The following ATP6V1H variants were observed in gnomAD, a reference collection of about 807,000 sequenced individuals.
ATP6V1H encodes the protein ATPase H+ transporting V1 subunit H, also known as V-type proton ATPase subunit H.
In ATP6V1H, 39 loss-of-function variants were observed where a neutral mutation model predicts 71.7. That is an observed-to-expected ratio of 0.54 (90% CI 0.42 to 0.71). ATP6V1H has a LOEUF of 0.71. Among genes scored for constraint, ATP6V1H ranks in the 30% least tolerant of loss-of-function variants. The pLI is 0.00. For missense variants in ATP6V1H, 509 were observed against 594.9 expected, an observed-to-expected ratio of 0.86 and a Z score of 1.50; for synonymous variants, 192 against 199.3, an observed-to-expected ratio of 0.96 and a Z score of 0.31.
chr8:53,817,626 T>A (rs1413029577), intron 4 of ATP6V1H, 96 bp from the exon 5 acceptor site: 2 of 745,448 alleles, frequency 2.7e-6, no homozygotes, highest in African/African-American at 3.5e-5. Flanking sequence ...TCAGTCTGTG[T>A]TCTTTTTTCA....
intron 7 of ATP6V1H, among the ~76,000 whole-genome samples, chr8:53,806,274 T>C (rs1019327874): frequency 2.6e-5 from 4 of 152,016 alleles, no homozygotes; most frequent in Non-Finnish European, 4.4e-5. Flanking sequence ...AAAACTGTCA[T>C]GACACTGAAA....
chr8:53,790,555 T>C (rs1809534855), intron 9 of ATP6V1H, among the ~76,000 whole-genome samples: 2 of 152,204 alleles, frequency 1.3e-5, no homozygotes. Context: ...AGAGATGATA[T>C]TACTCTCACA....
At chr8:53,763,127 T>C (rs572013157) in intron 11 of ATP6V1H, among the ~76,000 whole-genome samples, 2 of 152,294 alleles carry the variant, frequency 1.3e-5, no homozygotes, top group Admixed American at 6.5e-5. Context: ...TAGTTAAGTT[T>C]TGGGGAAGCT....
At position 53,715,983 on chromosome 8, in the gene ATP6V1H, G is replaced by T; in HGVS notation, c.1433C>A (p.Thr478Asn). Residue 478 changes from threonine to asparagine, a missense_variant, in exon 14 of 14, where the codon ACC becomes AAC. Physicochemically the swap from Thr to Asn is moderately conservative, Grantham distance 65 (BLOSUM62 0). Around this residue, in one of 2 missense-constraint regions of ATP6V1H, gnomAD observed 212 missense variants for 291.6 expected, o/e 0.73. Coordinates refer to ENST00000359530, the MANE Select transcript of ATP6V1H (RefSeq NM_015941.4). ...GCAGGCTTAGCTTCGGGCGGCAGCG[G>T]TCTGGGGCTGCTCGGACTGGAGCTG... Reference protein sequence around the residue: ...GKQLQSEQPQTAAARS With the variant: ...GKQLQSEQPQNAAARS The T allele has an allele frequency of 1.2e-6, 2 of 1,608,174 alleles. No individual in the cohort carries two copies. Among genetic ancestry groups the T allele is most frequent in the South Asian group, 2.2e-5 (2 of 89,066 alleles).
chr8:53,744,445 TGTGGA>T (rs1807527403), intron 12 of ATP6V1H, among the ~76,000 whole-genome samples: 2 of 152,250 alleles, frequency 1.3e-5, no homozygotes, highest in Non-Finnish European at 2.9e-5. Flanking sequence ...CAGACAGAGC[TGTGGA>T]GTCTCAGCTT....
chr8:53,755,220 T>A (rs750053532), intron 12 of ATP6V1H, among the ~76,000 whole-genome samples: 1 of 152,150 alleles, frequency 6.6e-6, no homozygotes, highest in Non-Finnish European at 1.5e-5. Context: ...CTCCCCTGTA[T>A]CTCCAGGGTC....
At chr8:53,729,454 G>C (rs1348696005) in intron 13 of ATP6V1H, among the ~76,000 whole-genome samples, 3 of 152,148 alleles carry the variant, frequency 2.0e-5, no homozygotes, top group Non-Finnish European at 4.4e-5. Flanking sequence ...CAACGTGCAA[G>C]AAAGCAGCCC....
At chr8:53,766,324 T>G (rs1048416481) in intron 11 of ATP6V1H, among the ~76,000 whole-genome samples, 1 of 152,258 alleles carries the variant, frequency 6.6e-6, no homozygotes, top group Non-Finnish European at 1.5e-5. Context: ...ATCAATACCC[T>G]TGTGATTTCC....
At chr8:53,829,586 A>G in intron 3 of ATP6V1H, 53 bp from the exon 4 acceptor site, 1 of 1,131,420 alleles carries the variant, frequency 8.8e-7, no homozygotes, top group Non-Finnish European at 1.3e-6. Flanking sequence ...GACACATTTC[A>G]ATGGAACTTC....
In ATP6V1H at chr8:53,739,288, T is replaced by G. The variant is rs777244417; in HGVS notation, c.1391+4289A>C. Among the ~76,000 whole-genome samples the G allele has an allele frequency of 3.2e-4, 49 of 152,340 alleles. No homozygotes were observed. The East Asian group carries it at 4.2e-3, about 13-fold the overall frequency. ...AAAACACATAAGAGGTTTTTTTTTC[T>G]TTAGTTCATAAGTAACTATTTTAAT... On this transcript the variant is annotated intron_variant, in intron 13 of 13. Coordinates refer to ENST00000359530, the MANE Select transcript of ATP6V1H (RefSeq NM_015941.4).
intron 2 of ATP6V1H, chr8:53,839,533 A>T: frequency 2.7e-5 from 22 of 805,674 alleles, no homozygotes; most frequent in South Asian, 5.7e-5. Flanking sequence ...AATCACTAAG[A>T]CTCTCTCAAT....
At chr8:53,733,400 T>C (rs1288297748) in intron 13 of ATP6V1H, among the ~76,000 whole-genome samples, 2 of 152,146 alleles carry the variant, frequency 1.3e-5, no homozygotes, top group African/African-American at 4.8e-5. Context: ...TGCAAAAGTT[T>C]CCCGCCAGAG....
intron 13 of ATP6V1H, among the ~76,000 whole-genome samples, chr8:53,741,595 A>G (rs1386372140): frequency 5.3e-5 from 8 of 152,208 alleles, no homozygotes; most frequent in Non-Finnish European, 1.0e-4. Context: ...AAACCATAAG[A>G]TATGAAATTA....
rs77168461 is a variant in ATP6V1H at position 53,842,183 on chromosome 8, C to A, written c.-35-458G>T. 5.4e-3 allele frequency among the ~76,000 whole-genome samples: 824 copies of A among 152,272 alleles called. 13 individuals are homozygous for A. The highest frequency in any genetic ancestry group is 0.019 in the African/African-American group (775 of 41,542). ...GCACATTAAAAATTCTAAGTCCTTT[C>A]GAAAATTACTCAAATTAAAATACAC... On this transcript the variant is annotated intron_variant, in intron 1 of 13. Transcript: ENST00000359530.
intron 13 of ATP6V1H, among the ~76,000 whole-genome samples, chr8:53,738,807 G>A (rs1186004242): frequency 6.6e-6 from 1 of 152,198 alleles, no homozygotes; most frequent in Non-Finnish European, 1.5e-5. Flanking sequence ...GTCCAGAAAA[G>A]TTAATACAGT....
chr8:53,831,735 A>G (rs1346863998), intron 3 of ATP6V1H: 1 of 151,426 alleles, frequency 6.6e-6, no homozygotes, highest in African/African-American at 2.4e-5. Flanking sequence ...TAGTTTAATC[A>G]ATAATTACAC....
chr8:53,750,848 C>T (rs1316438470), intron 12 of ATP6V1H, among the ~76,000 whole-genome samples: 1 of 151,978 alleles, frequency 6.6e-6, no homozygotes, highest in African/African-American at 2.4e-5. Flanking sequence ...ACTGCTATTG[C>T]TTGAAGTAGC....
At chr8:53,827,339 C>T (rs1246810475) in intron 4 of ATP6V1H, among the ~76,000 whole-genome samples, 7 of 151,842 alleles carry the variant, frequency 4.6e-5, no homozygotes, top group Non-Finnish European at 2.9e-5. Context: ...GCCGAGATCA[C>T]GCCACTACAC....
chr8:53,761,584 T>C (rs1292300737), intron 11 of ATP6V1H, among the ~76,000 whole-genome samples: 17 of 152,016 alleles, frequency 1.1e-4, no homozygotes. Flanking sequence ...ACACTAGATT[T>C]AAAAAAAACC....
Sources: gnomAD v4.1 joint callset for allele counts (sites outside exome capture counted in the v4.1 genomes callset) on GRCh38, gnomAD v4.1.1 for gene constraint, gnomAD v4.1.1 regional missense constraint, MANE v1.5 for transcripts, NCBI Gene and HGNC (gene_info 2026-07-23, HGNC 2026-07-21) for gene names.